ACTR10: variants seen among roughly 807,000 people sequenced by gnomAD.
The protein encoded by ACTR10 is actin-related protein 10.
Under a neutral mutation model 56.2 loss-of-function variants are expected in ACTR10, and 43 were observed. That is an observed-to-expected ratio of 0.77 (90% confidence interval 0.60 to 0.99). The LOEUF is 0.99. ACTR10 is among the 50% of genes least tolerant of loss of function. The probability of loss-of-function intolerance (pLI) is 0.00; values close to 1 mark genes in which losing one functional copy is unlikely to be tolerated. For synonymous variants in ACTR10, 170 were observed against 176.3 expected (o/e 0.96, Z 0.28); for missense variants, 466 against 507.8 (o/e 0.92, Z 0.79).
intron 8 of ACTR10, among the ~76,000 whole-genome samples, chr14:58,220,659 G>A (rs976373830): frequency 1.3e-5 from 2 of 152,188 alleles, no homozygotes; most frequent in Non-Finnish European, 1.5e-5. Flanking sequence ...GTGAAAAGAT[G>A]TGTAACTCTT....
chr14:58,223,593 A>G, intron 8 of ACTR10, 29 bp from the exon 9 acceptor site: 2 of 1,574,266 alleles, frequency 1.3e-6, no homozygotes, highest in Non-Finnish European at 1.7e-6. Flanking sequence ...ATAACTAGCC[A>G]TAATAAGGTC....
chr14:58,202,435 T>C (rs1423130633), intron 1 of ACTR10, among the ~76,000 whole-genome samples: 9 of 145,830 alleles, frequency 6.2e-5, no homozygotes, highest in Admixed American at 5.4e-4. Flanking sequence ...AAAAAAAAAA[T>C]TAGCCCTGCG....
In ACTR10 at chr14:58,209,061, C is replaced by T. The variant is rs772732171; in HGVS notation, c.296C>T (p.Ser99Phe). The T allele has an allele frequency of 6.2e-7, 1 of 1,610,892 alleles. No individual in the cohort carries two copies. The highest frequency in any genetic ancestry group is 1.7e-5 in the Admixed American group (1 of 59,680). ...ATTATCGAATCGGTATTATGTCCTT[C>T]TCACTTCAGAGAGACACTCACTCGT... ...VVIIESVLCPSHFRETLTRVL... is the reference protein window; with the variant it reads ...VVIIESVLCPFHFRETLTRVL... The change falls in exon 4 of 13, where the codon TCT (serine) becomes TTT (phenylalanine). Residue 99 changes from serine (S) to phenylalanine (F), a missense_variant. Coordinates refer to ENST00000254286, the MANE Select transcript of ACTR10 (RefSeq NM_018477.3).
At chr14:58,205,828 C>T (rs1215034414) in intron 2 of ACTR10, among the ~76,000 whole-genome samples, 1 of 151,914 alleles carries the variant, frequency 6.6e-6, no homozygotes, top group East Asian at 2.0e-4. Context: ...TTGAGACTAG[C>T]CTGGCCAACT....
At chr14:58,209,313 A>T (rs541144788) in intron 4 of ACTR10, 1 of 296,426 alleles carries the variant, frequency 3.4e-6, no homozygotes, top group African/African-American at 2.2e-5. Context: ...AGATTCTTCA[A>T]ACTGGCCATT....
intron 11 of ACTR10, 21 bp from the exon 12 acceptor site, chr14:58,232,044 CT>C (rs749048353): frequency 1.9e-6 from 3 of 1,566,050 alleles, no homozygotes; most frequent in East Asian, 2.2e-5. Context: ...ATAAATCCTT[CT>C]TTTTTTCTTT....
At chr14:58,219,578 T>C (rs961573182) in intron 7 of ACTR10, 116 bp from the exon 8 acceptor site, 1 of 569,010 alleles carries the variant, frequency 1.8e-6, no homozygotes, top group Non-Finnish European at 2.9e-6. Context: ...GAGAAAATTA[T>C]AGTAGTTGTA....
intron 7 of ACTR10, among the ~76,000 whole-genome samples, chr14:58,215,631 ATCTAGTGTTTGT>A (rs1247211208): frequency 6.6e-6 from 1 of 151,626 alleles, no homozygotes; most frequent in Admixed American, 6.6e-5. Flanking sequence ...TCGACTAGGG[ATCTAGTGTTTGT>A]TCCTTCTTTT....
rs1280642140 is a variant in ACTR10 at position 58,202,745 on chromosome 14, T to G, written c.78-110T>G. ...ATCCCTTAAAATACATCAGGTATTT[T>G]CAAATGTTATTGTGGCCATTGTTTT... On this transcript the variant is annotated intron_variant, in intron 1 of 12. Transcript: ENST00000254286. The G allele has an allele frequency of 5.5e-6, 4 of 724,638 alleles. No homozygotes were observed. In the East Asian group the frequency reaches 1.0e-4, roughly 19 times the overall value. The allele number at this position is 724,638 out of a possible 1,614,324, so 44.9% of individuals were successfully genotyped here. A position where few individuals can be genotyped will look rare whatever the true frequency, so the allele number is the denominator to read the frequency against.
intron 5 of ACTR10, chr14:58,212,968 A>G (rs991000585): frequency 2.0e-5 from 3 of 152,192 alleles, no homozygotes; most frequent in Non-Finnish European, 4.4e-5. Flanking sequence ...AAATACAAAA[A>G]TTAGCCGGGT....
At position 58,223,808 on chromosome 14, in the gene ACTR10, A is replaced by G. The variant is rs980942744; in HGVS notation, c.740A>G (p.Asp247Gly). 1 of 1,613,298 alleles carries G rather than the reference A, an allele frequency of 6.2e-7. No homozygotes were observed. Among genetic ancestry groups the G allele is most frequent in the Non-Finnish European group, 8.5e-7 (1 of 1,179,478 alleles). Reference sequence around the variant, plus strand: ...CGTCCCTCCCCACCCCCAAATGTTGACTATCCATTAGATGGAGAGAAGATT... The same window carrying G: ...CGTCCCTCCCCACCCCCAAATGTTGGCTATCCATTAGATGGAGAGAAGATT... ...NERPSPPPNV[D>G]YPLDGEKILH... The change falls in exon 10 of 13, where the codon GAC becomes GGC. Residue 247 changes from aspartate to glycine, a missense_variant. Asp to Gly is a moderately conservative substitution (Grantham distance 94, BLOSUM62 -1). Coordinates refer to ENST00000254286, the MANE Select transcript of ACTR10 (RefSeq NM_018477.3).
chr14:58,206,520 A>C (rs1393647732), intron 2 of ACTR10, among the ~76,000 whole-genome samples: 1 of 152,168 alleles, frequency 6.6e-6, no homozygotes, highest in African/African-American at 2.4e-5. Context: ...GATACCTAAA[A>C]AATTATTTAT....
At chr14:58,208,563 A>G (rs1030565387) in intron 3 of ACTR10, among the ~76,000 whole-genome samples, 21 of 152,190 alleles carry the variant, frequency 1.4e-4, no homozygotes, top group Non-Finnish European at 2.2e-4. Flanking sequence ...CTAAAAAAAA[A>G]GAAAATATCG....
rs767594788 is a variant in ACTR10, at chr14:58,223,883, G to A, written c.788+27G>A. On this transcript the variant is annotated intron_variant, in intron 10 of 12. Coordinates refer to ENST00000254286, the MANE Select transcript of ACTR10 (RefSeq NM_018477.3). ...TTAGATCTTAAATTTTTACGGCAAA[G>A]TAGTAAACTAAAATAAACTTTTGGC... The A allele has an allele frequency of 2.6e-6, 4 of 1,547,646 alleles. No individual in the cohort carries two copies. The East Asian group carries it at 6.7e-5, about 26-fold the overall frequency.
At chr14:58,219,660 A>C (rs759213024) in intron 7 of ACTR10, 34 bp from the exon 8 acceptor site, 1 of 1,363,048 alleles carries the variant, frequency 7.3e-7, no homozygotes, top group South Asian at 1.5e-5. Flanking sequence ...TAATTATTAA[A>C]GTTTTATAAT....
chr14:58,221,215 G>A (rs369705845), intron 8 of ACTR10, among the ~76,000 whole-genome samples: 48 of 151,480 alleles, frequency 3.2e-4, no homozygotes, highest in African/African-American at 1.0e-3. Context: ...CCTGGGAGGC[G>A]GAGGTTGCAT....
In ACTR10 at chr14:58,223,445, G is replaced by A. The variant is rs548314864; in HGVS notation, c.635-177G>A. ...GAGCCACTGCACCTGGCCAAAACAG[G>A]TTTTTTAATGAACAAATTATTGTTA... On this transcript the variant is annotated intron_variant, in intron 8 of 12. Coordinates refer to ENST00000254286, the MANE Select transcript of ACTR10 (RefSeq NM_018477.3). The A allele has an allele frequency of 9.5e-5, 61 of 639,338 alleles. No individual in the cohort carries two copies. The Admixed American group carries it at 1.9e-3, about 20-fold the overall frequency. 39.6% of individuals were successfully genotyped at this position (639,338 alleles called of 1,614,324 possible). A position where few individuals can be genotyped will look rare whatever the true frequency, so the allele number is the denominator to read the frequency against.
intron 5 of ACTR10, among the ~76,000 whole-genome samples, chr14:58,212,208 T>C (rs1436936274): frequency 6.6e-6 from 1 of 152,182 alleles, no homozygotes; most frequent in African/African-American, 2.4e-5. Flanking sequence ...AGGTAATATA[T>C]ATAAAGTGTT....
chr14:58,229,694 AG>A (rs1434924245), intron 10 of ACTR10, among the ~76,000 whole-genome samples: 5 of 150,998 alleles, frequency 3.3e-5, no homozygotes, highest in Non-Finnish European at 5.9e-5. Context: ...AAAAAAAAAA[AG>A]AATAGATTTT....
Sources: gnomAD v4.1 joint callset for allele counts (sites outside exome capture counted in the v4.1 genomes callset) on GRCh38, gnomAD v4.1.1 for gene constraint, MANE v1.5 for transcripts, NCBI Gene and HGNC (gene_info 2026-07-23, HGNC 2026-07-21) for gene names.